SNX7: variants seen among roughly 807,000 people sequenced by gnomAD.
SNX7 encodes the protein sorting nexin-7.
A neutral mutation model predicts 48.4 loss-of-function variants in SNX7; 35 were observed. That is an observed-to-expected ratio of 0.72 (90% CI 0.55 to 0.96). The LOEUF is 0.96. SNX7 is among the 40% of genes least tolerant of loss of function. The pLI is 0.00. For synonymous variants in SNX7, 190 were observed against 190.2 expected, an observed-to-expected ratio of 1.00 and a Z score of 0.01; for missense variants, 553 against 548.9, an observed-to-expected ratio of 1.01 and a Z score of -0.07.
intron 8 of SNX7, among the ~76,000 whole-genome samples, chr1:98,749,990 T>A (rs1280465496): frequency 1.3e-5 from 2 of 152,098 alleles, no homozygotes; most frequent in African/African-American, 4.8e-5. Context: ...TGGTACTCTC[T>A]CTAAAAGTTG....
chr1:98,714,802 C>A (rs370882057), intron 7 of SNX7, among the ~76,000 whole-genome samples: 2 of 152,106 alleles, frequency 1.3e-5, no homozygotes, highest in Non-Finnish European at 2.9e-5. Flanking sequence ...TGAAAGCGAG[C>A]GGACGAACAA....
intron 8 of SNX7, among the ~76,000 whole-genome samples, chr1:98,747,377 G>A (rs916121623): frequency 2.0e-5 from 3 of 152,082 alleles, no homozygotes; most frequent in Admixed American, 1.3e-4. Context: ...TGGAATCTTC[G>A]ATAGCAATTA....
At chr1:98,681,674 G>A (rs1650497355) in intron 1 of SNX7, among the ~76,000 whole-genome samples, 1 of 152,246 alleles carries the variant, frequency 6.6e-6, no homozygotes, top group East Asian at 1.9e-4. Context: ...GATTGAAGGG[G>A]ACCAGAGATA....
In SNX7 at chr1:98,728,119, G is replaced by T. The variant is rs575568910; in HGVS notation, c.1126-10118G>T. Among the ~76,000 whole-genome samples the T allele has an allele frequency of 1.5e-3, 229 of 152,246 alleles. 2 individuals are homozygous for T. Among genetic ancestry groups the T allele is most frequent in the Admixed American group, 0.015 (228 of 15,288 alleles). On this transcript the variant is annotated intron_variant, in intron 7 of 8. Coordinates refer to ENST00000306121, the MANE Select transcript of SNX7 (RefSeq NM_015976.5). Reference sequence around the variant, plus strand: ...CCAAGGTCAAAATGAAGGAAAAAATGTTAAGAGCAGCCAGAGAGAAAGGCC... The same window carrying T: ...CCAAGGTCAAAATGAAGGAAAAAATTTTAAGAGCAGCCAGAGAGAAAGGCC...
At chr1:98,661,710 C>T (rs575245703), upstream of SNX7, 471 of 1,210,182 alleles carry the variant, frequency 3.9e-4, 1 homozygote, top group Middle Eastern at 7.5e-3. Flanking sequence ...CGGTGGCGGC[C>T]GGCTGGGCGC....
chr1:98,723,394 T>C (rs990194949), intron 7 of SNX7, among the ~76,000 whole-genome samples: 6 of 152,176 alleles, frequency 3.9e-5, no homozygotes, highest in African/African-American at 1.4e-4. Context: ...GTTAAATTTA[T>C]TACTAAGTAC....
intron 7 of SNX7, among the ~76,000 whole-genome samples, chr1:98,711,543 T>A (rs1652306487): frequency 6.6e-6 from 1 of 152,238 alleles, no homozygotes; most frequent in Non-Finnish European, 1.5e-5. Context: ...GTCTATTAAA[T>A]ATGCCATAGC....
intron 7 of SNX7, among the ~76,000 whole-genome samples, chr1:98,737,338 T>C (rs1387781450): frequency 6.6e-6 from 1 of 152,184 alleles, no homozygotes; most frequent in African/African-American, 2.4e-5. Flanking sequence ...TTTTTCTCTT[T>C]AGCATTTATT....
chr1:98,662,800 T>G (rs1649319806), intron 1 of SNX7: 1 of 1,289,378 alleles, frequency 7.8e-7, no homozygotes, highest in Non-Finnish European at 1.0e-6. Context: ...CATTTTAACG[T>G]TACCTGGAGA....
chr1:98,723,869 A>C (rs1462135205), intron 7 of SNX7, among the ~76,000 whole-genome samples: 1 of 152,188 alleles, frequency 6.6e-6, no homozygotes, highest in Non-Finnish European at 1.5e-5. Flanking sequence ...TCAAAAAAAA[A>C]AGAAAGAAAA....
At chr1:98,688,174 T>C (rs1650907200) in intron 2 of SNX7, among the ~76,000 whole-genome samples, 1 of 152,188 alleles carries the variant, frequency 6.6e-6, no homozygotes, top group Non-Finnish European at 1.5e-5. Context: ...TTTGTAAATA[T>C]TTATATTCAT....
At chr1:98,744,331 A>G (rs1420034442) in intron 8 of SNX7, among the ~76,000 whole-genome samples, 1 of 152,036 alleles carries the variant, frequency 6.6e-6, no homozygotes, top group Non-Finnish European at 1.5e-5. Context: ...CAGGTGAAGA[A>G]TCTGACACAA....
At chr1:98,663,946 C>T (rs1339726395) in intron 1 of SNX7, among the ~76,000 whole-genome samples, 1 of 152,130 alleles carries the variant, frequency 6.6e-6, no homozygotes, top group Non-Finnish European at 1.5e-5. Flanking sequence ...TTAAAATTAG[C>T]CACTTTCATC....
Position 98,757,718 on chromosome 1 carries a change from A to G in SNX7, c.1279-2336A>G, listed in dbSNP as rs145899193. 7.9e-3 allele frequency among the ~76,000 whole-genome samples: 1,109 copies of G among 140,034 alleles called. 6 individuals are homozygous for G. The highest frequency in any genetic ancestry group is 0.013 in the Non-Finnish European group (833 of 64,248). 91.9% of individuals were successfully genotyped at this position (140,034 alleles called of 152,430 possible). On this transcript the variant is annotated intron_variant, in intron 8 of 8. Transcript: ENST00000306121. ...TTGAAAACCATTGCTTTATATATATAGTATCTACCTGATTGATTGATTGAT... is the reference window on the plus strand; with the variant it reads ...TTGAAAACCATTGCTTTATATATATGGTATCTACCTGATTGATTGATTGAT...
chr1:98,702,238 C>T (rs1274315865), intron 7 of SNX7, among the ~76,000 whole-genome samples: 1 of 152,060 alleles, frequency 6.6e-6, no homozygotes, highest in African/African-American at 2.4e-5. Flanking sequence ...GTAAGTAAAT[C>T]TACTTTTTTA....
intron 7 of SNX7, among the ~76,000 whole-genome samples, chr1:98,725,065 G>T (rs1343196434): frequency 6.6e-6 from 1 of 152,116 alleles, no homozygotes; most frequent in African/African-American, 2.4e-5. Flanking sequence ...AGGAAAGTTG[G>T]AATATATGCT....
intron 1 of SNX7, among the ~76,000 whole-genome samples, chr1:98,684,161 ACTTTT>A (rs1298140125): frequency 6.6e-6 from 1 of 152,168 alleles, no homozygotes; most frequent in Non-Finnish European, 1.5e-5. Context: ...CTTCTAGATT[ACTTTT>A]CAGTTTTCTC....
chr1:98,727,119 AG>A lies in SNX7; in HGVS notation c.1126-11117del, dbSNP rs372291349. ...CAGCTACTTGGCAAGCCAAGGCAGG[AG>A]AATGGCGTGAACCCGGGACGTGGAG... On this transcript the variant is annotated intron_variant, in intron 7 of 8. Coordinates refer to ENST00000306121, the MANE Select transcript of SNX7 (RefSeq NM_015976.5). Among the ~76,000 whole-genome samples, 68 of 152,300 alleles carry A rather than the reference AG, an allele frequency of 4.5e-4. No individual in the cohort carries two copies. In the Middle Eastern group the frequency reaches 0.01, roughly 23 times the overall value.
intron 7 of SNX7, among the ~76,000 whole-genome samples, chr1:98,729,086 A>G (rs552256176): frequency 6.6e-6 from 1 of 152,188 alleles, no homozygotes; most frequent in Non-Finnish European, 1.5e-5. Flanking sequence ...TGAAATCATA[A>G]CAGTCTCTCA....
Sources: allele counts gnomAD v4.1 joint callset (sites outside exome capture counted in the v4.1 genomes callset), GRCh38; gene constraint gnomAD v4.1.1; transcripts MANE v1.5; gene names NCBI Gene and HGNC (gene_info 2026-07-23, HGNC 2026-07-21).